PARM1: variants seen among roughly 807,000 people sequenced by gnomAD.
PARM1 encodes the protein WSC4, cell wall integrity and stress response component 4 homolog.
PARM1 carries 14 observed loss-of-function variants against 24.6 expected under a neutral mutation model. The observed-to-expected ratio is 0.57, with a 90% CI of 0.38 to 0.89. The LOEUF is 0.89. Ranked by LOEUF, PARM1 falls within the 40% of genes least tolerant of loss-of-function variation. The probability of loss-of-function intolerance (pLI) is 0.00; values close to 1 mark genes in which losing one functional copy is unlikely to be tolerated. For synonymous variants in PARM1, 179 were observed against 156.6 expected (o/e 1.14, Z -1.07); for missense variants, 362 against 380.4 (o/e 0.95, Z 0.40).
intron 1 of PARM1, among the ~76,000 whole-genome samples, chr4:74,955,589 A>T (rs1283180713): frequency 1.3e-5 from 2 of 152,230 alleles, no homozygotes; most frequent in Non-Finnish European, 2.9e-5. Flanking sequence ...TTAACTGTTA[A>T]GTGATGTAGC....
chr4:74,943,739 T>G (rs1259809319), intron 1 of PARM1, among the ~76,000 whole-genome samples: 2 of 152,196 alleles, frequency 1.3e-5, no homozygotes, highest in Non-Finnish European at 2.9e-5. Flanking sequence ...CATTCGAGCA[T>G]TTTTGAGAAT....
intron 2 of PARM1, among the ~76,000 whole-genome samples, chr4:75,030,291 A>G (rs1433616234): frequency 6.6e-6 from 1 of 152,188 alleles, no homozygotes; most frequent in Non-Finnish European, 1.5e-5. Context: ...CCACATGTAA[A>G]ACCTTAATCT....
intron 1 of PARM1, among the ~76,000 whole-genome samples, chr4:74,994,970 A>G (rs1722549900): frequency 6.6e-6 from 1 of 152,108 alleles, no homozygotes; most frequent in Admixed American, 6.6e-5. Context: ...TGGAGGTACA[A>G]ACAATCCAAA....
intron 2 of PARM1, among the ~76,000 whole-genome samples, chr4:75,026,967 A>G (rs1416696444): frequency 6.6e-6 from 1 of 152,080 alleles, no homozygotes; most frequent in Non-Finnish European, 1.5e-5. Context: ...AAGCCCATAA[A>G]TATTGGGTGT....
At chr4:75,023,821 T>G (rs1342110690) in intron 2 of PARM1, among the ~76,000 whole-genome samples, 1 of 152,184 alleles carries the variant, frequency 6.6e-6, no homozygotes, top group Non-Finnish European at 1.5e-5. Context: ...CTGGGTCCCA[T>G]CTGCCCCTGA....
In PARM1 at chr4:75,041,853, G is replaced by A. The variant is rs149660658; in HGVS notation, c.849-4310G>A. ...AATCATTCTTCATTTTTCCCCCTCG[G>A]GTTTTAATTTGCTTACTGCACCATA... On this transcript the variant is annotated intron_variant, in intron 3 of 3. Transcript: ENST00000307428. Among the ~76,000 whole-genome samples, 401 of 152,198 alleles carry A rather than the reference G, an allele frequency of 2.6e-3. 4 individuals carry two copies. Among genetic ancestry groups the A allele is most frequent in the African/African-American group, 9.3e-3 (386 of 41,532 alleles).
chr4:74,936,612 C>T (rs1038729677), intron 1 of PARM1, among the ~76,000 whole-genome samples: 1 of 151,986 alleles, frequency 6.6e-6, no homozygotes, highest in Admixed American at 6.5e-5. Flanking sequence ...CGCCACCACA[C>T]CCGTCTAATT....
chr4:74,935,698 C>A (rs1409233406), intron 1 of PARM1, among the ~76,000 whole-genome samples: 1 of 152,116 alleles, frequency 6.6e-6, no homozygotes, highest in Non-Finnish European at 1.5e-5. Context: ...TAGGCAGGGG[C>A]CTGTTTTTTG....
intron 2 of PARM1, among the ~76,000 whole-genome samples, chr4:75,024,639 A>G (rs1202306706): frequency 6.6e-6 from 1 of 152,104 alleles, no homozygotes; most frequent in Non-Finnish European, 1.5e-5. Flanking sequence ...AGACTGGATG[A>G]TTTTTCCAAA....
chr4:74,940,521 C>CT (rs1371462998), intron 1 of PARM1, among the ~76,000 whole-genome samples: 3 of 152,210 alleles, frequency 2.0e-5, no homozygotes, highest in African/African-American at 7.2e-5. Flanking sequence ...TCTGGGGCCT[C>CT]TTTTATAAGA....
chr4:74,991,703 G>A (rs1405831297), intron 1 of PARM1, among the ~76,000 whole-genome samples: 4 of 152,256 alleles, frequency 2.6e-5, no homozygotes, highest in South Asian at 2.1e-4. Flanking sequence ...AATACATGGG[G>A]CATTAGGTTG....
chr4:75,002,775 C>T (rs1365688372), intron 1 of PARM1, among the ~76,000 whole-genome samples: 1 of 152,184 alleles, frequency 6.6e-6, no homozygotes, highest in Non-Finnish European at 1.5e-5. Flanking sequence ...GGTCAGTCTC[C>T]ATCTTGGCCT....
At chr4:75,028,096 T>C (rs1578056485) in intron 2 of PARM1, among the ~76,000 whole-genome samples, 1 of 152,170 alleles carries the variant, frequency 6.6e-6, no homozygotes, top group Admixed American at 6.5e-5. Context: ...CTCATGAGGA[T>C]TAAATGAACT....
intron 1 of PARM1, among the ~76,000 whole-genome samples, chr4:74,990,586 G>A (rs538673902): frequency 2.0e-5 from 3 of 152,202 alleles, no homozygotes; most frequent in African/African-American, 7.2e-5. Context: ...GACCATCCAG[G>A]GAAAGTCTTG....
intron 1 of PARM1, among the ~76,000 whole-genome samples, chr4:74,979,914 A>G (rs1722215150): frequency 6.6e-6 from 1 of 152,192 alleles, no homozygotes; most frequent in Non-Finnish European, 1.5e-5. Context: ...ATAAAATTCA[A>G]CATCCCTTCA....
At chr4:75,017,566 A>G (rs1289951105) in intron 2 of PARM1, among the ~76,000 whole-genome samples, 2 of 151,748 alleles carry the variant, frequency 1.3e-5, no homozygotes, top group Non-Finnish European at 2.9e-5. Context: ...AACCCCCATC[A>G]CTACTGATCC....
rs893891271 is a variant in PARM1 at position 75,049,274 on chromosome 4, C to T, written c.*3027C>T. On this transcript the variant is annotated 3_prime_UTR_variant, in exon 4 of 4. Transcript: ENST00000307428. Reference sequence around the variant, plus strand: ...GGGTGATGCTTTCATATTGACCTCACCCCATACTACCTCACAGATGTGTTG... The same window carrying T: ...GGGTGATGCTTTCATATTGACCTCATCCCATACTACCTCACAGATGTGTTG... 1 of 152,186 alleles carries T rather than the reference C, an allele frequency of 6.6e-6. No homozygotes were observed. The highest frequency in any genetic ancestry group is 1.5e-5 in the Non-Finnish European group (1 of 68,032). The allele number at this position is 152,186 out of a possible 1,614,324, so 9.4% of individuals were successfully genotyped here. A position where few individuals can be genotyped will look rare whatever the true frequency, so the allele number is the denominator to read the frequency against.
intron 1 of PARM1, among the ~76,000 whole-genome samples, chr4:74,964,203 C>T (rs1721843078): frequency 6.6e-6 from 1 of 152,162 alleles, no homozygotes; most frequent in Admixed American, 6.5e-5. Context: ...AAATAATACT[C>T]TTCTTTTATG....
chr4:74,938,430 A>G (rs921369775), intron 1 of PARM1, among the ~76,000 whole-genome samples: 2 of 152,202 alleles, frequency 1.3e-5, no homozygotes, highest in Non-Finnish European at 2.9e-5. Context: ...TTATAAATCA[A>G]ACTTATTTGT....
Sources: gnomAD v4.1 joint callset for allele counts (sites outside exome capture counted in the v4.1 genomes callset) on GRCh38, gnomAD v4.1.1 for gene constraint, MANE v1.5 for transcripts, NCBI Gene and HGNC (gene_info 2026-07-23, HGNC 2026-07-21) for gene names.